Variants in CHM observed in about 807,000 individuals in gnomAD.
CHM encodes the protein rab proteins geranylgeranyltransferase component A 1.
In CHM, 10 loss-of-function variants were observed where a neutral mutation model predicts 49.0. That is an observed-to-expected ratio of 0.20 (90% CI 0.13 to 0.35). CHM has a LOEUF of 0.35. Ranked by LOEUF, CHM falls within the 10% of genes least tolerant of loss-of-function variation. The pLI, the probability that CHM is intolerant of heterozygous loss-of-function variation, is 1.00. For missense variants in CHM, 455 were observed against 478.4 expected (o/e 0.95, Z 0.46); for synonymous variants, 184 against 167.5 (o/e 1.10, Z -0.76).
chrX:85,997,716 C>T (rs73240389), intron 2 of CHM, among the ~76,000 whole-genome samples: 2,413 of 111,075 alleles, frequency 0.022, 29 homozygotes, highest in Admixed American at 0.052. Context: ...AGCACTTTGG[C>T]CAATGGGTAA....
chrX:85,967,035 G>C (rs1384090715), intron 4 of CHM, among the ~76,000 whole-genome samples: 1 of 111,957 alleles, frequency 8.9e-6, no homozygotes, highest in African/African-American at 3.2e-5. Context: ...AATTTGGTGA[G>C]ATTCCTAGCA....
intron 1 of CHM, among the ~76,000 whole-genome samples, chrX:86,038,300 C>T (rs1185001436): frequency 8.9e-6 from 1 of 111,892 alleles, no homozygotes; most frequent in East Asian, 2.8e-4. Flanking sequence ...GCTTCCTCCG[C>T]CCTACTGTTT....
rs754548037 is a variant in CHM at position 85,964,030 on chromosome X, C to T, written c.337G>A (p.Glu113Lys). 2.5e-5 allele frequency: 30 copies of T among 1,206,543 alleles called. No individual in the cohort carries two copies. The highest frequency in any genetic ancestry group is 2.3e-4 in the Middle Eastern group (1 of 4,333). Residue 113 changes from glutamate to lysine, a missense_variant, in exon 5 of 15, where the codon GAA (glutamate) becomes AAA (lysine). By Grantham distance (56) the Glu-to-Lys change is moderately conservative. Coordinates refer to ENST00000357749, the MANE Select transcript of CHM (RefSeq NM_000390.4). ...YASQDLHEDV[E>K]EAGALQKNHA... ...TTTTTCTGCAGTGCACCAGCTTCTT[C>T]GACATCTTCATGCAAATCCTGACTA...
At chrX:85,950,204 T>C (rs1303675911) in intron 8 of CHM, among the ~76,000 whole-genome samples, 2 of 91,019 alleles carry the variant, frequency 2.2e-5, no homozygotes, top group African/African-American at 4.1e-5. Context: ...AGGAAAAGCA[T>C]TGCACACACA....
intron 8 of CHM, among the ~76,000 whole-genome samples, chrX:85,920,392 G>A (rs867215454): frequency 3.0e-4 from 33 of 111,702 alleles, no homozygotes; most frequent in South Asian, 1.5e-3. Context: ...CACCGTGCCC[G>A]GCCCAATAGT....
rs1926260363 is a variant in CHM, at chrX:85,901,146, A to C, written c.1287T>G (p.Ser429=). ...AACTGTCCTCCACGAGGAAATGCTC[A>C]GAGATTATTCTCTGACCAAACTGAT... ...IIDQFGQRII[S]EHFLVEDSYF... The change falls in exon 10 of 15, where the codon TCT becomes TCG. Residue 429 remains serine, a synonymous_variant. Transcript: ENST00000357749. The C allele has an allele frequency of 8.3e-7, 1 of 1,200,643 alleles. No individual in the cohort carries two copies. Among genetic ancestry groups the C allele is most frequent in the African/African-American group, 1.8e-5 (1 of 56,932 alleles).
chrX:86,010,212 G>A (rs1200928731), intron 2 of CHM, among the ~76,000 whole-genome samples: 1 of 89,718 alleles, frequency 1.1e-5, no homozygotes, highest in African/African-American at 4.2e-5. Context: ...GGGGGTGGGG[G>A]GGGCTGGAGG....
intron 8 of CHM, among the ~76,000 whole-genome samples, chrX:85,924,611 G>C (rs1010689363): frequency 4.5e-5 from 5 of 111,359 alleles, no homozygotes; most frequent in African/African-American, 1.6e-4. Context: ...TAATACTCTG[G>C]GTACTAATTT....
chrX:85,901,244 A>C (rs927717400), intron 9 of CHM, 56 bp from the exon 10 acceptor site: 16 of 752,677 alleles, frequency 2.1e-5, no homozygotes, highest in Non-Finnish European at 2.9e-5. Context: ...AATAATTGAG[A>C]AAATGTAATC....
intron 3 of CHM, among the ~76,000 whole-genome samples, chrX:85,979,305 A>G (rs754142735): frequency 9.0e-6 from 1 of 111,566 alleles, no homozygotes; most frequent in East Asian, 2.8e-4. Flanking sequence ...CAGCAGAGTC[A>G]AAATAACTTC....
At chrX:85,911,399 ATTTTC>A (rs1374014092) in intron 8 of CHM, 61 bp from the exon 9 acceptor site, 4 of 554,660 alleles carry the variant, frequency 7.2e-6, no homozygotes, top group African/African-American at 2.5e-5. Context: ...AGGTAAAAGT[ATTTTC>A]TTTTAAGTAT....
intron 2 of CHM, among the ~76,000 whole-genome samples, chrX:86,018,359 A>T (rs989120776): frequency 8.9e-6 from 1 of 112,359 alleles, no homozygotes; most frequent in Non-Finnish European, 1.9e-5. Flanking sequence ...AGAATTACCA[A>T]AAATACAAAA....
intron 2 of CHM, among the ~76,000 whole-genome samples, chrX:86,012,648 C>T (rs1278444302): frequency 9.0e-6 from 1 of 111,667 alleles, no homozygotes; most frequent in African/African-American, 3.3e-5. Context: ...TTGCAGAGTT[C>T]TTCCTAATAA....
At chrX:85,994,947 C>A (rs1466556086) in intron 2 of CHM, among the ~76,000 whole-genome samples, 1 of 111,122 alleles carries the variant, frequency 9.0e-6, no homozygotes, top group Non-Finnish European at 1.9e-5. Flanking sequence ...AAAAGCTGTC[C>A]TAATTCAAAT....
chrX:85,865,618 AAG>A (rs1923643895), intron 14 of CHM, among the ~76,000 whole-genome samples: 1 of 111,438 alleles, frequency 9.0e-6, no homozygotes, highest in Admixed American at 9.5e-5. Flanking sequence ...GGCTCAGAAG[AAG>A]AGAGGTAAAT....
At chrX:85,895,124 A>G (rs1925734164) in intron 11 of CHM, among the ~76,000 whole-genome samples, 4 of 104,521 alleles carry the variant, frequency 3.8e-5, no homozygotes. Flanking sequence ...CTTCAGGTCA[A>G]TGTTTTTTTT....
intron 8 of CHM, among the ~76,000 whole-genome samples, chrX:85,950,364 T>TA (rs55814621): frequency 0.22 from 24,186 of 107,546 alleles, 2,152 homozygotes; most frequent in Non-Finnish European, 0.25. Context: ...AATGAACAAG[T>TA]AAAAAAAATC....
At chrX:85,945,875 G>T (rs189898032) in intron 8 of CHM, among the ~76,000 whole-genome samples, 3 of 112,049 alleles carry the variant, frequency 2.7e-5, no homozygotes, top group Non-Finnish European at 5.6e-5. Flanking sequence ...GGACAATGAA[G>T]TCCAGGCTGA....
chrX:85,966,622 G>T (rs1267821891), intron 4 of CHM, among the ~76,000 whole-genome samples: 1 of 111,813 alleles, frequency 8.9e-6, no homozygotes, highest in Non-Finnish European at 1.9e-5. Flanking sequence ...TTACATGAGG[G>T]ATCTAAGGGG....
Sources: gnomAD v4.1 joint callset for allele counts (sites outside exome capture counted in the v4.1 genomes callset) on GRCh38, gnomAD v4.1.1 for gene constraint, MANE v1.5 for transcripts, NCBI Gene and HGNC (gene_info 2026-07-23, HGNC 2026-07-21) for gene names.